The following RABGAP1L variants were observed in gnomAD, a reference collection of about 807,000 sequenced individuals.
RABGAP1L encodes rab GTPase-activating protein 1-like.
RABGAP1L carries 63 observed loss-of-function variants against 137.7 expected under a neutral mutation model. The ratio of observed to expected loss-of-function variants is 0.46; its 90% confidence interval spans 0.37 to 0.56. RABGAP1L has a LOEUF of 0.56. RABGAP1L is among the 20% of genes least tolerant of loss of function. The pLI, the probability that RABGAP1L is intolerant of heterozygous loss-of-function variation, is 0.00. For synonymous variants in RABGAP1L, 431 were observed against 433.7 expected (o/e 0.99, Z 0.08); for missense variants, 1,095 against 1,244.0 (o/e 0.88, Z 1.80).
chr1:174,636,349 C>G (rs1557934593), intron 13 of RABGAP1L, among the ~76,000 whole-genome samples: 1 of 152,022 alleles, frequency 6.6e-6, no homozygotes, highest in Non-Finnish European at 1.5e-5. Flanking sequence ...GAAACCCCAT[C>G]TCTACTAAAA....
In RABGAP1L at chr1:174,574,857, C is replaced by G. The variant is rs953616572; in HGVS notation, c.1711-62518C>G. ...CATTGTACCTAAGAAATCAGTGAAGCTTTTCATCAGGTGGAAGGAAGAGTA... is the reference window on the plus strand; with the variant it reads ...CATTGTACCTAAGAAATCAGTGAAGGTTTTCATCAGGTGGAAGGAAGAGTA... On this transcript the variant is annotated intron_variant, in intron 13 of 25. Coordinates refer to ENST00000681986, the MANE Select transcript of RABGAP1L (RefSeq NM_001366446.1). 2.6e-5 allele frequency among the ~76,000 whole-genome samples: 4 copies of G among 152,132 alleles called. No individual in the cohort carries two copies. In the South Asian group the frequency reaches 8.3e-4, roughly 32 times the overall value.
In RABGAP1L at chr1:174,228,277, A is replaced by G. The variant is rs549385326; in HGVS notation, c.332-2868A>G. Among the ~76,000 whole-genome samples, 3 of 152,112 alleles carry G rather than the reference A, an allele frequency of 2.0e-5. No homozygotes were observed. In the South Asian group the frequency reaches 6.2e-4, roughly 31 times the overall value. On this transcript the variant is annotated intron_variant, in intron 3 of 25. Coordinates refer to ENST00000681986, the MANE Select transcript of RABGAP1L (RefSeq NM_001366446.1). Reference sequence around the variant, plus strand: ...CTTGGGTTACACAGGTTTATAAAATACCTCTTCAAACAACTTCTTTTTGGC... The same window carrying G: ...CTTGGGTTACACAGGTTTATAAAATGCCTCTTCAAACAACTTCTTTTTGGC...
At chr1:174,774,587 A>G (rs1432417988) in intron 18 of RABGAP1L, among the ~76,000 whole-genome samples, 1 of 152,118 alleles carries the variant, frequency 6.6e-6, no homozygotes, top group Non-Finnish European at 1.5e-5. Flanking sequence ...AGTGCATAAA[A>G]GAGAAACCAT....
At chr1:174,878,324 T>G (rs1653493420) in intron 19 of RABGAP1L, among the ~76,000 whole-genome samples, 1 of 152,170 alleles carries the variant, frequency 6.6e-6, no homozygotes, top group Admixed American at 6.5e-5. Flanking sequence ...CCTCCTGGGT[T>G]CAAGCAACTC....
In RABGAP1L at chr1:174,642,665, C is replaced by G. The variant is rs374468520; in HGVS notation, c.1824+5177C>G. ...TCTCCTCTCCTCTCCCCACCCTCTCCCCTCCTCTCCTCTCCTCTCCTTTCT... is the reference window on the plus strand; with the variant it reads ...TCTCCTCTCCTCTCCCCACCCTCTCGCCTCCTCTCCTCTCCTCTCCTTTCT... On this transcript the variant is annotated intron_variant, in intron 14 of 25. Coordinates refer to ENST00000681986, the MANE Select transcript of RABGAP1L (RefSeq NM_001366446.1). 2.8e-4 allele frequency among the ~76,000 whole-genome samples: 41 copies of G among 149,078 alleles called. No homozygotes were observed. In the South Asian group the frequency reaches 8.8e-3, roughly 32 times the overall value.
intron 13 of RABGAP1L, among the ~76,000 whole-genome samples, chr1:174,439,566 TACTC>T (rs778050160): frequency 6.6e-6 from 1 of 151,954 alleles, no homozygotes; most frequent in Non-Finnish European, 1.5e-5. Context: ...ACTAGTGAAA[TACTC>T]AGTTTAGTTT....
intron 15 of RABGAP1L, among the ~76,000 whole-genome samples, chr1:174,692,942 C>T (rs552571151): frequency 1.1e-4 from 16 of 152,186 alleles, no homozygotes; most frequent in Non-Finnish European, 1.3e-4. Context: ...AATCACCCAG[C>T]GAGTAATTAA....
At chr1:174,711,680 G>C (rs896248488) in intron 17 of RABGAP1L, among the ~76,000 whole-genome samples, 1 of 152,178 alleles carries the variant, frequency 6.6e-6, no homozygotes, top group Non-Finnish European at 1.5e-5. Context: ...AGTGCCCCCT[G>C]GCACTCCTGC....
intron 13 of RABGAP1L, among the ~76,000 whole-genome samples, chr1:174,429,755 A>C (rs970649416): frequency 6.6e-6 from 1 of 151,774 alleles, no homozygotes; most frequent in Non-Finnish European, 1.5e-5. Context: ...AAAAAAATAA[A>C]AATAAAAATA....
chr1:174,652,852 C>T (rs189940518), intron 14 of RABGAP1L, among the ~76,000 whole-genome samples: 2 of 152,330 alleles, frequency 1.3e-5, no homozygotes, highest in East Asian at 3.9e-4. Flanking sequence ...GCTCTCTTTA[C>T]AGCCGGCAGG....
At chr1:174,488,390 T>C (rs1227751459) in intron 13 of RABGAP1L, among the ~76,000 whole-genome samples, 1 of 152,090 alleles carries the variant, frequency 6.6e-6, no homozygotes, top group Non-Finnish European at 1.5e-5. Flanking sequence ...CCACTTAGCT[T>C]ACTGTCTGAC....
At chr1:174,679,805 T>C (rs1677913726) in intron 14 of RABGAP1L, among the ~76,000 whole-genome samples, 1 of 152,232 alleles carries the variant, frequency 6.6e-6, no homozygotes, top group African/African-American at 2.4e-5. Flanking sequence ...ACGGTAGGCA[T>C]TTCTGGGAAG....
intron 11 of RABGAP1L, among the ~76,000 whole-genome samples, chr1:174,364,411 C>T (rs1268826168): frequency 4.0e-5 from 6 of 149,922 alleles, no homozygotes; most frequent in African/African-American, 9.8e-5. Context: ...CCCGCCACTA[C>T]GCCCGGCTAA....
At chr1:174,812,933 G>C (rs542178399) in intron 19 of RABGAP1L, among the ~76,000 whole-genome samples, 21 of 152,160 alleles carry the variant, frequency 1.4e-4, no homozygotes, top group Non-Finnish European at 2.9e-4. Context: ...CTCATGCCTG[G>C]GTGGGCTTGA....
intron 7 of RABGAP1L, among the ~76,000 whole-genome samples, 157 bp from the exon 8 acceptor site, chr1:174,272,257 T>A (rs1674614909): frequency 1.3e-5 from 2 of 151,990 alleles, no homozygotes; most frequent in South Asian, 2.1e-4. Context: ...ATTATCTATC[T>A]TCATAAATAC....
intron 13 of RABGAP1L, among the ~76,000 whole-genome samples, chr1:174,575,079 C>G (rs567750872): frequency 6.6e-6 from 1 of 152,036 alleles, no homozygotes; most frequent in African/African-American, 2.4e-5. Flanking sequence ...TACAGGCATG[C>G]GCCACCACAC....
rs138302825 is a variant in RABGAP1L at position 174,375,574 on chromosome 1, T to G, written c.1559+4502T>G. On this transcript the variant is annotated intron_variant, in intron 12 of 25. Transcript: ENST00000681986. Reference sequence around the variant, plus strand: ...ATTACAAGGATATAAAATAATATTATAAGCAACTCACTGTCTATAAATTTA... The same window carrying G: ...ATTACAAGGATATAAAATAATATTAGAAGCAACTCACTGTCTATAAATTTA... 1.3e-3 allele frequency among the ~76,000 whole-genome samples: 195 copies of G among 152,222 alleles called. 1 individual carries two copies. The highest frequency in any genetic ancestry group is 4.6e-3 in the African/African-American group (193 of 41,560).
chr1:174,306,445 A>G (rs1678255811), intron 11 of RABGAP1L, among the ~76,000 whole-genome samples: 1 of 152,126 alleles, frequency 6.6e-6, no homozygotes, highest in African/African-American at 2.4e-5. Context: ...TGACTTTTTA[A>G]CGATCGCCAT....
At chr1:174,662,971 GT>G (rs1676502552) in intron 14 of RABGAP1L, among the ~76,000 whole-genome samples, 1 of 152,274 alleles carries the variant, frequency 6.6e-6, no homozygotes, top group Admixed American at 6.5e-5. Context: ...GTACAATGTA[GT>G]TTTAAGCAAA....
Sources: allele counts gnomAD v4.1 joint callset (sites outside exome capture counted in the v4.1 genomes callset), GRCh38; gene constraint gnomAD v4.1.1; transcripts MANE v1.5; gene names NCBI Gene and HGNC (gene_info 2026-07-23, HGNC 2026-07-21).